Variants in CDH23 observed in about 807,000 individuals in gnomAD.
CDH23 encodes cadherin related 23, also known as cadherin-23.
CDH23 carries 189 observed loss-of-function variants against 317.1 expected under a neutral mutation model. The observed-to-expected ratio is 0.60, with a 90% CI of 0.53 to 0.67. CDH23 has a LOEUF of 0.67. Among genes scored for constraint, CDH23 ranks in the 30% least tolerant of loss-of-function variants. CDH23 has a pLI of 0.00. For missense variants in CDH23, 4,401 were observed against 4,592.4 expected (o/e 0.96, Z 1.20); for synonymous variants, 1,839 against 1,876.8 (o/e 0.98, Z 0.52).
Position 71,791,223 on chromosome 10 carries a change from G to A in CDH23, c.6141G>A (p.Gly2047=). 6.2e-7 allele frequency: 1 copy of A among 1,613,698 alleles called. No homozygotes were observed. Among genetic ancestry groups the A allele is most frequent in the Non-Finnish European group, 8.5e-7 (1 of 1,179,762 alleles). Reference sequence around the variant, plus strand: ...TGCTGCTGCTGGCTGAGGACATCGGGCTGCTCAACAGCACGGCCCACCTGC... The same window carrying A: ...TGCTGCTGCTGGCTGAGGACATCGGACTGCTCAACAGCACGGCCCACCTGC... The part of the protein sequence containing the change: ...LELLLLAEDI[G]LLNSTAHLLI... Residue 2047 remains glycine (G), a synonymous_variant, in exon 47 of 70, where the codon GGG becomes GGA. Transcript: ENST00000224721.
At chr10:71,734,152 G>A in intron 32 of CDH23, 88 bp from the exon 33 acceptor site, 2 of 1,050,012 alleles carry the variant, frequency 1.9e-6, no homozygotes, top group South Asian at 1.3e-5. Context: ...GACAGAGGAA[G>A]TGACATGGAG....
intron 9 of CDH23, among the ~76,000 whole-genome samples, chr10:71,603,969 A>G: frequency 6.6e-6 from 1 of 152,218 alleles, no homozygotes; most frequent in East Asian, 1.9e-4. Flanking sequence ...CCCATCTCTC[A>G]GGGGCAAGCA....
At chr10:71,568,143 T>TG (rs1857516719) in intron 7 of CDH23, among the ~76,000 whole-genome samples, 1 of 152,248 alleles carries the variant, frequency 6.6e-6, no homozygotes, top group Admixed American at 6.5e-5. Context: ...CCAGTGGCTG[T>TG]GGGGAGGTCA....
In CDH23 at chr10:71,803,255, G is replaced by T. The variant is rs1210545193; in HGVS notation, c.7707G>T (p.Arg2569=). Residue 2569 remains arginine (R), a synonymous_variant, in exon 55 of 70, where the codon CGG becomes CGT. Coordinates refer to ENST00000224721, the MANE Select transcript of CDH23 (RefSeq NM_022124.6). ...DMDSGLVTTQ[R]PLQSYEKFSL... ...ACTCGGGCTTGGTGACCACACAGCGGCCACTGCAGTCCTACGAGAAGTTCA... is the reference window on the plus strand; with the variant it reads ...ACTCGGGCTTGGTGACCACACAGCGTCCACTGCAGTCCTACGAGAAGTTCA... 3 of 1,597,734 alleles carry T rather than the reference G, an allele frequency of 1.9e-6. No homozygotes were observed. Among genetic ancestry groups the T allele is most frequent in the Non-Finnish European group, 2.6e-6 (3 of 1,171,546 alleles).
At chr10:71,501,533 A>G (rs898604960) in intron 3 of CDH23, among the ~76,000 whole-genome samples, 13 of 152,188 alleles carry the variant, frequency 8.5e-5, no homozygotes, top group African/African-American at 3.1e-4. Flanking sequence ...AGCTCACTCT[A>G]CTCCCTCTGA....
rs1841245414 is a variant in CDH23, at chr10:71,791,351, G to A, written c.6253+16G>A. 6.2e-7 allele frequency: 1 copy of A among 1,609,080 alleles called. No individual in the cohort carries two copies. The highest frequency in any genetic ancestry group is 1.3e-5 in the African/African-American group (1 of 74,902). On this transcript the variant is annotated intron_variant, in intron 47 of 69. Coordinates refer to ENST00000224721, the MANE Select transcript of CDH23 (RefSeq NM_022124.6). ...TGCCCGCCTGGTAAGCAGGGGACAGGCCCCAGCACCCCACAACCAGGGGCC... is the reference window on the plus strand; with the variant it reads ...TGCCCGCCTGGTAAGCAGGGGACAGACCCCAGCACCCCACAACCAGGGGCC...
At chr10:71,486,106 T>C (rs1852332356) in intron 3 of CDH23, among the ~76,000 whole-genome samples, 1 of 152,186 alleles carries the variant, frequency 6.6e-6, no homozygotes, top group Admixed American at 6.5e-5. Flanking sequence ...AGTGACAACT[T>C]ATTGAATGGA....
intron 9 of CDH23, among the ~76,000 whole-genome samples, chr10:71,600,701 C>T (rs567044664): frequency 7.9e-5 from 12 of 151,614 alleles, no homozygotes; most frequent in Non-Finnish European, 1.8e-4. Flanking sequence ...TATTTTCAGT[C>T]GAGACAAGAT....
At chr10:71,503,442 A>G (rs1853454589) in intron 3 of CDH23, among the ~76,000 whole-genome samples, 1 of 152,182 alleles carries the variant, frequency 6.6e-6, no homozygotes, top group Non-Finnish European at 1.5e-5. Flanking sequence ...TGGCTCAGAG[A>G]CCTTCATGAC....
intron 38 of CDH23, among the ~76,000 whole-genome samples, chr10:71,769,570 C>T (rs76959136): frequency 0.49 from 73,873 of 151,604 alleles, 18,989 homozygotes; most frequent in South Asian, 0.66. Context: ...TAGGGAAACA[C>T]CATCATGGAA....
chr10:71,739,945 G>A (rs911933872), intron 36 of CDH23, among the ~76,000 whole-genome samples, 173 bp downstream of exon 36: 1 of 152,336 alleles, frequency 6.6e-6, no homozygotes, highest in East Asian at 1.9e-4. Context: ...GCACAGTGAG[G>A]CTGACCCAGG....
chr10:71,555,510 T>C (rs1038525625), intron 6 of CDH23, among the ~76,000 whole-genome samples: 2 of 152,260 alleles, frequency 1.3e-5, no homozygotes, highest in Non-Finnish European at 1.5e-5. Context: ...CCCTGATGCA[T>C]GATACCCTCT....
chr10:71,470,898 A>G (rs751462556), intron 3 of CDH23, among the ~76,000 whole-genome samples: 2 of 152,180 alleles, frequency 1.3e-5, no homozygotes, highest in African/African-American at 2.4e-5. Context: ...TCATGTACAA[A>G]TTTATTTGCC....
chr10:71,702,759 C>T (rs2132733798), intron 24 of CDH23, 65 bp downstream of exon 24: 17 of 1,593,250 alleles, frequency 1.1e-5, no homozygotes, highest in Non-Finnish European at 1.2e-5. Context: ...AGGAGCCTAG[C>T]CCAGGCTGAA....
At chr10:71,647,690 A>G (rs1370024970) in intron 14 of CDH23, 2 of 152,184 alleles carry the variant, frequency 1.3e-5, no homozygotes, top group African/African-American at 2.4e-5. Context: ...CCTGGAACCA[A>G]TTGTGATTCT....
Position 71,626,457 on chromosome 10 carries a change from C to A in CDH23, c.1134+9064C>A, listed in dbSNP as rs112133060. On this transcript the variant is annotated intron_variant, in intron 11 of 69. Transcript: ENST00000224721. ...ATGTCACGTGTTCAGCTGAGGGTCC[C>A]TTTTCCAGCTCTGGACCACACTGTT... is the stretch of plus-strand genomic sequence containing the variant. 6.0e-3 allele frequency among the ~76,000 whole-genome samples: 921 copies of A among 152,260 alleles called. 9 individuals carry two copies. The highest frequency in any genetic ancestry group is 0.017 in the Middle Eastern group (5 of 294).
chr10:71,769,701 T>C (rs892918000), intron 38 of CDH23, among the ~76,000 whole-genome samples: 1 of 152,090 alleles, frequency 6.6e-6, no homozygotes, highest in African/African-American at 2.4e-5. Flanking sequence ...AGAGGCAGGG[T>C]TTGACCCCAG....
chr10:71,590,970 G>A (rs1293657984), intron 9 of CDH23, among the ~76,000 whole-genome samples: 1 of 151,742 alleles, frequency 6.6e-6, no homozygotes, highest in Non-Finnish European at 1.5e-5. Flanking sequence ...GGTTGGCAAG[G>A]TCTTAATGTG....
At chr10:71,573,671 G>A (rs1252932706) in intron 8 of CDH23, among the ~76,000 whole-genome samples, 6 of 152,186 alleles carry the variant, frequency 3.9e-5, no homozygotes, top group African/African-American at 1.4e-4. Flanking sequence ...TCTCCACAAG[G>A]GCACTAAGGC....
Sources: allele counts gnomAD v4.1 joint callset (sites outside exome capture counted in the v4.1 genomes callset), GRCh38; gene constraint gnomAD v4.1.1; transcripts MANE v1.5; gene names NCBI Gene and HGNC (gene_info 2026-07-23, HGNC 2026-07-21).